The following KDM7A variants were observed in gnomAD, a reference collection of about 807,000 sequenced individuals.
KDM7A encodes lysine demethylase 7A.
KDM7A carries 28 observed loss-of-function variants against 114.8 expected under a neutral mutation model. The ratio of observed to expected loss-of-function variants is 0.24; its 90% CI spans 0.18 to 0.33. KDM7A has a LOEUF of 0.33. Ranked by LOEUF, KDM7A falls within the 10% of genes least tolerant of loss-of-function variation. The probability of loss-of-function intolerance (pLI) is 1.00; values close to 1 mark genes in which losing one functional copy is unlikely to be tolerated. For missense variants in KDM7A, 942 were observed against 1,142.5 expected (o/e 0.82, Z 2.53); for synonymous variants, 423 against 397.8 (o/e 1.06, Z -0.75).
At chr7:140,132,948 A>C (rs1818813543) in intron 3 of KDM7A, among the ~76,000 whole-genome samples, 1 of 152,238 alleles carries the variant, frequency 6.6e-6, no homozygotes, top group African/African-American at 2.4e-5. Context: ...ATCACTTGAA[A>C]TAGATGTCAG....
At position 140,129,587 on chromosome 7, in the gene KDM7A, T is replaced by C. The variant is rs1239042456; in HGVS notation, c.465A>G (p.Gly155=). The C allele has an allele frequency of 6.2e-7, 1 of 1,610,868 alleles. No homozygotes were observed. The highest frequency in any genetic ancestry group is 1.7e-5 in the Admixed American group (1 of 60,016). Residue 155 remains glycine (G), a synonymous_variant, in exon 4 of 20, where the codon GGA becomes GGG. Coordinates refer to ENST00000397560, the MANE Select transcript of KDM7A (RefSeq NM_030647.2). The stretch of plus-strand genomic sequence containing the variant: ...TTGGGACCATAATAGGGACATCAAA[T>C]CCATGTTTCTCCAGATATCTTTGTG... ...QLTQRYLEKH[G]FDVPIMVPKL...
At chr7:140,133,490 GACATTCTT>G (rs1562954767) in intron 3 of KDM7A, 41 bp downstream of exon 3, 3 of 1,093,178 alleles carry the variant, frequency 2.7e-6, no homozygotes, top group East Asian at 4.7e-5. Flanking sequence ...TCTATGAGAC[GACATTCTT>G]ACATTCTTAC....
In KDM7A at chr7:140,097,541, G is replaced by T; in HGVS notation, c.2016+4C>A. On this transcript the variant is annotated splice_donor_region_variant and intron_variant, in intron 15 of 19. Transcript: ENST00000397560. The stretch of plus-strand genomic sequence containing the variant: ...ACGTACAAGCCATGGGGTCTCAGGC[G>T]TACCAGTGCAGTGCACTCGGGTCCG... The T allele has an allele frequency of 6.6e-7, 1 of 1,507,200 alleles. No homozygotes were observed. Among genetic ancestry groups the T allele is most frequent in the Non-Finnish European group, 9.2e-7 (1 of 1,085,952 alleles). 93.4% of individuals were successfully genotyped at this position (1,507,200 alleles called of 1,614,324 possible).
intron 1 of KDM7A, among the ~76,000 whole-genome samples, chr7:140,150,828 T>C (rs1161232150): frequency 9.2e-6 from 1 of 108,986 alleles, no homozygotes; most frequent in East Asian, 2.7e-4. Context: ...ATCTCTGTTC[T>C]TTTTTTTTTT....
intron 1 of KDM7A, among the ~76,000 whole-genome samples, chr7:140,158,297 G>A (rs1002530919): frequency 6.6e-6 from 1 of 152,182 alleles, no homozygotes; most frequent in Non-Finnish European, 1.5e-5. Context: ...GGACCAGTTA[G>A]GAGGCTACTT....
rs956324916 is a variant in KDM7A, at chr7:140,094,036, G to A, written c.2457+20C>T. ...TGATCATTTTAAATCTCCTTTTAAC[G>A]TTTCAAACTTTGAATATACCTGAGG... On this transcript the variant is annotated intron_variant, in intron 18 of 19. Transcript: ENST00000397560. 15 of 1,395,322 alleles carry A rather than the reference G, an allele frequency of 1.1e-5. No homozygotes were observed. Among genetic ancestry groups the A allele is most frequent in the East Asian group, 2.3e-5 (1 of 43,970 alleles). 86.4% of individuals were successfully genotyped at this position (1,395,322 alleles called of 1,614,324 possible).
At chr7:140,173,641 C>T (rs1406573605) in intron 1 of KDM7A, among the ~76,000 whole-genome samples, 1 of 152,146 alleles carries the variant, frequency 6.6e-6, no homozygotes, top group Non-Finnish European at 1.5e-5. Context: ...CTCCTTGCTC[C>T]TCTACAGATG....
At chr7:140,165,833 AAAGT>A (rs1436810746) in intron 1 of KDM7A, among the ~76,000 whole-genome samples, 6 of 86,690 alleles carry the variant, frequency 6.9e-5, no homozygotes, top group African/African-American at 5.5e-4. Context: ...CTTTAAGTGA[AAAGT>A]AAGGAAAGAA....
chr7:140,096,830 A>C (rs1274680546), intron 16 of KDM7A, 67 bp from the exon 17 acceptor site: 4 of 1,590,786 alleles, frequency 2.5e-6, no homozygotes, highest in Admixed American at 1.7e-5. Context: ...GTAAAATTTA[A>C]AACTAAAAAA....
chr7:140,105,880 G>GT (rs1208073102), intron 11 of KDM7A, among the ~76,000 whole-genome samples: 10 of 152,180 alleles, frequency 6.6e-5, no homozygotes, highest in South Asian at 4.1e-4. Flanking sequence ...GCTCTTCTTT[G>GT]TACCTCTGGT....
intron 9 of KDM7A, among the ~76,000 whole-genome samples, chr7:140,117,246 G>A (rs1397524705): frequency 6.6e-6 from 1 of 152,138 alleles, no homozygotes; most frequent in African/African-American, 2.4e-5. Flanking sequence ...TTAACGTATG[G>A]TCATACTTTC....
At chr7:140,112,519 G>A (rs1818449528) in intron 10 of KDM7A, among the ~76,000 whole-genome samples, 1 of 152,016 alleles carries the variant, frequency 6.6e-6, no homozygotes. Context: ...GCTGAGGCAG[G>A]AGAATCACTT....
At chr7:140,147,617 C>G (rs1413339056) in intron 1 of KDM7A, among the ~76,000 whole-genome samples, 6 of 152,156 alleles carry the variant, frequency 3.9e-5, no homozygotes, top group Non-Finnish European at 7.4e-5. Flanking sequence ...TTGTGTACCC[C>G]TAAAGTCCCA....
chr7:140,154,138 A>T (rs912346415), intron 1 of KDM7A, among the ~76,000 whole-genome samples: 2 of 152,182 alleles, frequency 1.3e-5, no homozygotes, highest in Admixed American at 1.3e-4. Flanking sequence ...TGCACACCAG[A>T]ACCCTGCAAA....
intron 1 of KDM7A, among the ~76,000 whole-genome samples, chr7:140,157,160 G>C (rs1794466224): frequency 1.3e-5 from 2 of 152,372 alleles, no homozygotes; most frequent in Non-Finnish European, 2.9e-5. Flanking sequence ...AGCTGTATAG[G>C]AGGAAAAGAA....
intron 1 of KDM7A, among the ~76,000 whole-genome samples, chr7:140,162,862 G>A (rs1794535430): frequency 6.6e-6 from 1 of 152,160 alleles, no homozygotes; most frequent in African/African-American, 2.4e-5. Flanking sequence ...CAGTTAAATT[G>A]TGGTAAATCC....
intron 12 of KDM7A, among the ~76,000 whole-genome samples, chr7:140,100,723 T>TATATATATATATACAC (rs1818205656): frequency 1.7e-5 from 1 of 59,340 alleles, no homozygotes; most frequent in South Asian, 5.7e-4. Flanking sequence ...TATATATATA[T>TATATATATATATACAC]ATATATATAT....
intron 8 of KDM7A, among the ~76,000 whole-genome samples, 165 bp from the exon 9 acceptor site, chr7:140,119,384 A>G (rs1318899567): frequency 6.6e-6 from 1 of 152,236 alleles, no homozygotes; most frequent in Non-Finnish European, 1.5e-5. Context: ...TTGTGATCTT[A>G]TCCAGGTTCT....
At chr7:140,093,370 C>T (rs1426935821) in intron 18 of KDM7A, among the ~76,000 whole-genome samples, 1 of 152,204 alleles carries the variant, frequency 6.6e-6, no homozygotes, top group African/African-American at 2.4e-5. Flanking sequence ...CCTTCTCCCC[C>T]ACAAATGTTT....
Sources: allele counts gnomAD v4.1 joint callset (sites outside exome capture counted in the v4.1 genomes callset), GRCh38; gene constraint gnomAD v4.1.1; transcripts MANE v1.5; gene names NCBI Gene and HGNC (gene_info 2026-07-23, HGNC 2026-07-21).